Variants in TRMT9B observed in about 807,000 individuals in gnomAD.
TRMT9B encodes the protein probable tRNA methyltransferase 9B.
TRMT9B carries 16 observed loss-of-function variants against 11.5 expected under a neutral mutation model. That is an observed-to-expected ratio of 1.39 (90% CI 0.94 to 2.11). The LOEUF (loss-of-function observed/expected upper bound fraction) is 2.11, where lower values mean the gene tolerates loss of function less well. Among genes scored for constraint, TRMT9B ranks in the 30% most tolerant of loss-of-function variants. The pLI, the probability that TRMT9B is intolerant of heterozygous loss-of-function variation, is 0.00. For missense variants in TRMT9B, 941 were observed against 553.8 expected (o/e 1.70, Z -7.02); for synonymous variants, 274 against 192.4 (o/e 1.42, Z -3.51).
chr8:12,954,521 C>T lies in TRMT9B; in HGVS notation c.-200+8555C>T, dbSNP rs551694228. On this transcript the variant is annotated intron_variant, in intron 1 of 4. Transcript: ENST00000524591. ...AGGAATTGAGTGAAAGCTCTCATTG[C>T]GATTAAGCCCCTGGTATAATGCATT... Among the ~76,000 whole-genome samples the T allele has an allele frequency of 1.5e-4, 23 of 152,286 alleles. 2 individuals carry two copies. Among genetic ancestry groups the T allele is most frequent in the African/African-American group, 5.1e-4 (21 of 41,566 alleles).
chr8:12,994,046 C>T (rs1425535217), intron 2 of TRMT9B, among the ~76,000 whole-genome samples: 3 of 152,190 alleles, frequency 2.0e-5, no homozygotes, highest in Non-Finnish European at 2.9e-5. Flanking sequence ...AATAACTGTC[C>T]GAGACTGGAT....
At chr8:12,979,140 G>A (rs759559018) in intron 1 of TRMT9B, among the ~76,000 whole-genome samples, 5 of 152,158 alleles carry the variant, frequency 3.3e-5, no homozygotes, top group Non-Finnish European at 4.4e-5. Flanking sequence ...CGGGGGAATG[G>A]CAGGCCTATG....
At chr8:12,998,179 C>T (rs2128883564) in intron 2 of TRMT9B, among the ~76,000 whole-genome samples, 1 of 152,314 alleles carries the variant, frequency 6.6e-6, no homozygotes, top group South Asian at 2.1e-4. Flanking sequence ...TACTTCTTCA[C>T]ACTCTGGGTT....
intron 4 of TRMT9B, among the ~76,000 whole-genome samples, chr8:13,019,557 G>A (rs1362774864): frequency 6.6e-6 from 1 of 152,200 alleles, no homozygotes; most frequent in Non-Finnish European, 1.5e-5. Flanking sequence ...GCCTCCCAAA[G>A]TGCTGGGATT....
intron 1 of TRMT9B, among the ~76,000 whole-genome samples, chr8:12,983,625 G>T (rs1278095072): frequency 6.6e-6 from 1 of 152,118 alleles, no homozygotes; most frequent in Non-Finnish European, 1.5e-5. Context: ...AGCCAAGATG[G>T]TGTCACTGCA....
intron 1 of TRMT9B, among the ~76,000 whole-genome samples, chr8:12,987,027 G>A (rs1806432508): frequency 6.6e-6 from 1 of 152,142 alleles, no homozygotes; most frequent in Non-Finnish European, 1.5e-5. Context: ...AGCTGGACTA[G>A]GTCCTATATG....
intron 1 of TRMT9B, among the ~76,000 whole-genome samples, chr8:12,978,901 C>A (rs1804898728): frequency 6.6e-6 from 1 of 152,208 alleles, no homozygotes; most frequent in Admixed American, 6.5e-5. Context: ...TTGGCAGTCA[C>A]CTGCAGAATC....
At chr8:12,957,893 A>G (rs1461212024) in intron 1 of TRMT9B, among the ~76,000 whole-genome samples, 1 of 152,166 alleles carries the variant, frequency 6.6e-6, no homozygotes, top group East Asian at 1.9e-4. Flanking sequence ...CCATCTCCAG[A>G]ACGTTTTTAT....
chr8:12,974,245 C>G (rs1395870145), intron 1 of TRMT9B, among the ~76,000 whole-genome samples: 2 of 152,086 alleles, frequency 1.3e-5, no homozygotes, highest in Non-Finnish European at 1.5e-5. Flanking sequence ...CACCGTGACC[C>G]TGTCCCATTA....
Position 13,027,429 on chromosome 8 carries a change from T to C in TRMT9B, c.*5385T>C, listed in dbSNP as rs1204416493. On this transcript the variant is annotated 3_prime_UTR_variant, in exon 5 of 5. Coordinates refer to ENST00000524591, the MANE Select transcript of TRMT9B (RefSeq NM_020844.3). ...CTAGCTTACCCTAGACGTATTAACA[T>C]CCTATAGCGCACGTGTTCTGTGGGA... 1.2e-5 allele frequency: 2 copies of C among 167,054 alleles called. No individual in the cohort carries two copies. The highest frequency in any genetic ancestry group is 4.8e-5 in the African/African-American group (2 of 41,440). 10.3% of individuals were successfully genotyped at this position (167,054 alleles called of 1,614,324 possible). A position where few individuals can be genotyped will look rare whatever the true frequency, so the allele number is the denominator to read the frequency against.
intron 1 of TRMT9B, among the ~76,000 whole-genome samples, chr8:12,961,078 T>C (rs1343935917): frequency 6.6e-6 from 1 of 151,556 alleles, no homozygotes; most frequent in Admixed American, 6.6e-5. Flanking sequence ...GAAGTGGAGG[T>C]TGCAGTGAGC....
At chr8:12,975,709 G>T (rs1204881066) in intron 1 of TRMT9B, among the ~76,000 whole-genome samples, 4 of 151,830 alleles carry the variant, frequency 2.6e-5, no homozygotes, top group South Asian at 2.1e-4. Flanking sequence ...CTGCACTCCA[G>T]TGTGGGCGAC....
chr8:12,960,868 C>G (rs1022210521), intron 1 of TRMT9B, among the ~76,000 whole-genome samples: 1 of 152,066 alleles, frequency 6.6e-6, no homozygotes, highest in Non-Finnish European at 1.5e-5. Flanking sequence ...CTGGGCTGGG[C>G]GCGGTGGCTC....
chr8:13,004,752 C>A (rs2128889248), intron 2 of TRMT9B, among the ~76,000 whole-genome samples: 1 of 152,160 alleles, frequency 6.6e-6, no homozygotes, highest in African/African-American at 2.4e-5. Flanking sequence ...TCTGTGGTGG[C>A]TATGGGGCAA....
chr8:12,958,746 A>T (rs10086491), intron 1 of TRMT9B: 3 of 152,204 alleles, frequency 2.0e-5, no homozygotes, highest in Admixed American at 2.0e-4. Flanking sequence ...CATATACACC[A>T]TGGAATACTA....
rs562610689 is a variant in TRMT9B at position 13,006,037 on chromosome 8, C to T, written c.-1-165C>T. On this transcript the variant is annotated intron_variant, in intron 2 of 4. Transcript: ENST00000524591. ...TTTGCTAGTCTTTTGGCTACTATGG[C>T]GAGGTTATAGTGAAGGTATTGTTCT... Among the ~76,000 whole-genome samples the T allele has an allele frequency of 4.6e-5, 7 of 152,244 alleles. No individual in the cohort carries two copies. In the South Asian group the frequency reaches 1.0e-3, roughly 23 times the overall value.
intron 1 of TRMT9B, among the ~76,000 whole-genome samples, chr8:12,984,971 ACACACACACACACACACT>A (rs1806014534): frequency 2.1e-5 from 3 of 143,774 alleles, no homozygotes; most frequent in African/African-American, 8.7e-5. Flanking sequence ...ACACACACAC[ACACACACACACACACACT>A]CTCTCTCTCA....
intron 2 of TRMT9B, among the ~76,000 whole-genome samples, chr8:13,001,234 C>T (rs574774568): frequency 6.6e-6 from 1 of 152,302 alleles, no homozygotes; most frequent in East Asian, 1.9e-4. Context: ...CTATTCAGGT[C>T]TTTTAGTTCA....
intron 1 of TRMT9B, among the ~76,000 whole-genome samples, chr8:12,984,729 C>A (rs544956995): frequency 1.3e-5 from 2 of 152,196 alleles, no homozygotes; most frequent in South Asian, 4.1e-4. Context: ...AAGCCGGGCG[C>A]TATATTTTCA....
Sources: gnomAD v4.1 joint callset for allele counts (sites outside exome capture counted in the v4.1 genomes callset) on GRCh38, gnomAD v4.1.1 for gene constraint, MANE v1.5 for transcripts, NCBI Gene and HGNC (gene_info 2026-07-23, HGNC 2026-07-21) for gene names.